Variants in GALNT17 observed in about 807,000 individuals in gnomAD.
GALNT17 encodes the protein UDP-GalNAc:polypeptide N-acetylgalactosaminyltransferase-like 3.
In GALNT17, 29 loss-of-function variants were observed where a neutral mutation model predicts 63.7. That is an observed-to-expected ratio of 0.46 (90% CI 0.34 to 0.62). The LOEUF (loss-of-function observed/expected upper bound fraction) is 0.62. Ranked by LOEUF, GALNT17 falls within the 20% of genes least tolerant of loss-of-function variation. GALNT17 has a pLI of 0.01. For missense variants in GALNT17, 603 were observed against 799.6 expected (o/e 0.75, Z 2.97); for synonymous variants, 305 against 318.3 (o/e 0.96, Z 0.45).
At chr7:71,185,960 T>C (rs2116326175) in intron 1 of GALNT17, among the ~76,000 whole-genome samples, 1 of 152,324 alleles carries the variant, frequency 6.6e-6, no homozygotes, top group South Asian at 2.1e-4. Context: ...GGTAAGCTGT[T>C]AGTAAAGGTC....
chr7:71,171,766 C>G (rs1788551523), intron 1 of GALNT17, among the ~76,000 whole-genome samples: 1 of 152,324 alleles, frequency 6.6e-6, no homozygotes, highest in Middle Eastern at 3.4e-3. Flanking sequence ...AGTCCTAGAG[C>G]TGCTGCTGGG....
intron 6 of GALNT17, among the ~76,000 whole-genome samples, chr7:71,596,242 G>A (rs1283220614): frequency 6.6e-6 from 1 of 152,104 alleles, no homozygotes; most frequent in Non-Finnish European, 1.5e-5. Flanking sequence ...GTTTCACCAT[G>A]TTGGCCAGGC....
At chr7:71,529,335 A>G (rs902402270) in intron 5 of GALNT17, among the ~76,000 whole-genome samples, 2 of 152,126 alleles carry the variant, frequency 1.3e-5, no homozygotes, top group Admixed American at 6.6e-5. Flanking sequence ...TAGTGAAATT[A>G]GGTACCAAAT....
chr7:71,376,634 A>G (rs1792734129), intron 2 of GALNT17, among the ~76,000 whole-genome samples: 1 of 151,436 alleles, frequency 6.6e-6, no homozygotes, highest in Non-Finnish European at 1.5e-5. Context: ...CAAAGCAGGG[A>G]ACTATGGTAG....
chr7:71,538,599 A>G (rs138531042), intron 5 of GALNT17, among the ~76,000 whole-genome samples: 1 of 152,340 alleles, frequency 6.6e-6, no homozygotes, highest in African/African-American at 2.4e-5. Flanking sequence ...AAGTGATGAA[A>G]TAAAATGATC....
At chr7:71,391,042 G>A (rs1003067639) in intron 3 of GALNT17, among the ~76,000 whole-genome samples, 3 of 152,228 alleles carry the variant, frequency 2.0e-5, no homozygotes, top group Admixed American at 6.5e-5. Flanking sequence ...AGCATGTGGT[G>A]TGTCTGCACA....
At chr7:71,235,516 G>T (rs1261048799) in intron 1 of GALNT17, among the ~76,000 whole-genome samples, 1 of 152,172 alleles carries the variant, frequency 6.6e-6, no homozygotes, top group Non-Finnish European at 1.5e-5. Context: ...GAGAAGAAAA[G>T]AAAGGCTTTG....
Position 71,442,309 on chromosome 7 carries a change from G to A in GALNT17, c.962+21204G>A, listed in dbSNP as rs375305637. Among the ~76,000 whole-genome samples the A allele has an allele frequency of 7.7e-4, 117 of 152,268 alleles. No homozygotes were observed. The South Asian group carries it at 8.1e-3, about 11-fold the overall frequency. On this transcript the variant is annotated intron_variant, in intron 5 of 10. Coordinates refer to ENST00000333538, the MANE Select transcript of GALNT17 (RefSeq NM_022479.3). ...CCTGCCGGGTTTACGCCATTCTCCT[G>A]CCTCAGCCTCCTGAGTAGCTGGGAC...
At chr7:71,440,718 C>CT in intron 5 of GALNT17, among the ~76,000 whole-genome samples, 1 of 152,102 alleles carries the variant, frequency 6.6e-6, no homozygotes. Context: ...TGGTCCTCCA[C>CT]GAATTATTAT....
intron 3 of GALNT17, among the ~76,000 whole-genome samples, chr7:71,395,947 C>CT (rs1563061954): frequency 6.6e-6 from 1 of 152,084 alleles, no homozygotes. Flanking sequence ...GATTATTTGA[C>CT]TTTTTAAATT....
At chr7:71,189,811 CTTT>C (rs113070343) in intron 1 of GALNT17, among the ~76,000 whole-genome samples, 8 of 135,772 alleles carry the variant, frequency 5.9e-5, no homozygotes, top group Non-Finnish European at 6.4e-5. Flanking sequence ...AGAACCATTT[CTTT>C]TTTTTTTTTT....
At chr7:71,527,780 T>A (rs1349980844) in intron 5 of GALNT17, among the ~76,000 whole-genome samples, 1 of 152,136 alleles carries the variant, frequency 6.6e-6, no homozygotes, top group Non-Finnish European at 1.5e-5. Context: ...TGCATGCATG[T>A]ACACACCCAC....
chr7:71,504,425 T>C (rs1788232558), intron 5 of GALNT17, among the ~76,000 whole-genome samples: 1 of 151,686 alleles, frequency 6.6e-6, no homozygotes, highest in Non-Finnish European at 1.5e-5. Flanking sequence ...ATAAGTGAAC[T>C]AAAAGAGGGT....
intron 6 of GALNT17, among the ~76,000 whole-genome samples, chr7:71,662,966 G>A (rs1790931508): frequency 6.6e-6 from 1 of 152,054 alleles, no homozygotes; most frequent in Admixed American, 6.6e-5. Flanking sequence ...TTATTCCTTA[G>A]CCCACTGAAT....
intron 2 of GALNT17, among the ~76,000 whole-genome samples, chr7:71,370,605 C>A (rs1193346652): frequency 6.6e-6 from 1 of 151,998 alleles, no homozygotes; most frequent in African/African-American, 2.4e-5. Context: ...AAGCCTGAGC[C>A]TCCTGAATTG....
At chr7:71,395,001 T>TG (rs1249450894) in intron 3 of GALNT17, among the ~76,000 whole-genome samples, 1 of 151,740 alleles carries the variant, frequency 6.6e-6, no homozygotes, top group East Asian at 1.9e-4. Flanking sequence ...ACTCGGGAGA[T>TG]GGGGGCAGGA....
intron 1 of GALNT17, among the ~76,000 whole-genome samples, chr7:71,325,196 A>G (rs180929410): frequency 5.9e-5 from 9 of 152,348 alleles, no homozygotes; most frequent in Non-Finnish European, 1.0e-4. Context: ...TATGGCTGCA[A>G]TGGCTGCAAT....
At chr7:71,290,421 A>T (rs1169479121) in intron 1 of GALNT17, among the ~76,000 whole-genome samples, 3 of 152,176 alleles carry the variant, frequency 2.0e-5, no homozygotes, top group Admixed American at 6.5e-5. Flanking sequence ...GGCTGATGCT[A>T]TAAAAATACA....
intron 5 of GALNT17, among the ~76,000 whole-genome samples, chr7:71,462,075 T>C (rs1787460009): frequency 6.6e-6 from 1 of 151,966 alleles, no homozygotes; most frequent in Non-Finnish European, 1.5e-5. Flanking sequence ...ATGGTGGGAG[T>C]GGGAGCTGCT....
Sources: allele counts gnomAD v4.1 joint callset (sites outside exome capture counted in the v4.1 genomes callset), GRCh38; gene constraint gnomAD v4.1.1; transcripts MANE v1.5; gene names NCBI Gene and HGNC (gene_info 2026-07-23, HGNC 2026-07-21).